Variants in VWA3B observed in about 807,000 individuals in gnomAD.
VWA3B encodes the protein von Willebrand factor A domain containing 3B, also known as von Willebrand factor A domain-containing protein 3B.
Under a neutral mutation model 158.3 loss-of-function variants are expected in VWA3B, and 138 were observed. The ratio of observed to expected loss-of-function variants is 0.87; its 90% confidence interval spans 0.76 to 1.00. VWA3B has a LOEUF of 1.00. Among genes scored for constraint, VWA3B ranks in the 50% least tolerant of loss-of-function variants. VWA3B has a pLI of 0.00. For missense variants in VWA3B, 1,555 were observed against 1,565.1 expected, an observed-to-expected ratio of 0.99 and a Z score of 0.11; for synonymous variants, 596 against 587.3, an observed-to-expected ratio of 1.01 and a Z score of -0.21.
the VWA3B span, among the ~76,000 whole-genome samples, chr2:98,321,612 A>C: frequency 6.6e-6 from 1 of 151,384 alleles, no homozygotes; most frequent in Non-Finnish European, 1.5e-5. Context: ...GACTGCCCTA[A>C]CTCCTTCATT....
chr2:98,299,576 A>AG (rs1355642934), intron 24 of VWA3B, among the ~76,000 whole-genome samples: 1 of 152,206 alleles, frequency 6.6e-6, no homozygotes, highest in Non-Finnish European at 1.5e-5. Context: ...ATGATGCAGA[A>AG]GGGCCTGCAG....
intron 21 of VWA3B, among the ~76,000 whole-genome samples, chr2:98,260,347 C>T (rs1215149640): frequency 2.0e-5 from 3 of 151,574 alleles, no homozygotes; most frequent in African/African-American, 4.8e-5. Context: ...ACACAGTTGG[C>T]CCCTCCATGT....
At chr2:98,256,324 C>A in intron 21 of VWA3B, 150 bp downstream of exon 21, 1 of 886,826 alleles carries the variant, frequency 1.1e-6, no homozygotes, top group Admixed American at 2.9e-5. Context: ...AAAACTTTTT[C>A]ATTACCCCAG....
In VWA3B at chr2:98,234,709, T is replaced by C. The variant is rs765241592; in HGVS notation, c.2370T>C (p.Ser790=). ...CCTCCCTCAGGAGCTCAGCTTGCAG[T>C]GAAAGGAAGGATGGCCTCTCCAATG... ...QMSSLRSSAC[S]ERKDGLSNAS... is the part of the protein sequence containing the mutation. Residue 790 remains serine, a synonymous_variant, in exon 17 of 28, where the codon AGT becomes AGC. Coordinates refer to ENST00000477737, the MANE Select transcript of VWA3B (RefSeq NM_144992.5). The C allele has an allele frequency of 1.6e-5, 26 of 1,613,996 alleles. No homozygotes were observed. In the Middle Eastern group the frequency reaches 2.5e-3, roughly 153 times the overall value.
intron 1 of VWA3B, among the ~76,000 whole-genome samples, chr2:98,089,516 T>A (rs970642435): frequency 1.1e-5 from 1 of 91,988 alleles, no homozygotes; most frequent in Admixed American, 1.2e-4. Context: ...CTAGTGGGGG[T>A]GGGGTGGGGA....
intron 9 of VWA3B, among the ~76,000 whole-genome samples, chr2:98,183,712 G>A (rs529248055): frequency 8.1e-4 from 124 of 152,250 alleles, no homozygotes; most frequent in Non-Finnish European, 1.5e-3. Flanking sequence ...GTGATATGGC[G>A]GAAGGCACAC....
intron 8 of VWA3B, among the ~76,000 whole-genome samples, chr2:98,177,257 G>C (rs1680087998): frequency 6.6e-6 from 1 of 152,128 alleles, no homozygotes; most frequent in South Asian, 2.1e-4. Context: ...GGACAGGGCT[G>C]GTCAATTCTG....
At chr2:98,318,158 T>C (rs1691127336), downstream of VWA3B, among the ~76,000 whole-genome samples, 1 of 152,210 alleles carries the variant, frequency 6.6e-6, no homozygotes, top group Admixed American at 6.5e-5. Flanking sequence ...TGGAAGACTG[T>C]GTGGCAATTC....
chr2:98,106,190 C>T (rs935282396), intron 2 of VWA3B, among the ~76,000 whole-genome samples: 28 of 152,156 alleles, frequency 1.8e-4, no homozygotes, highest in Admixed American at 1.7e-3. Flanking sequence ...GCTGGGATTA[C>T]AGGTGTGAGC....
chr2:98,216,947 G>A, intron 13 of VWA3B: 1 of 1,300,264 alleles, frequency 7.7e-7, no homozygotes, highest in Non-Finnish European at 1.0e-6. Flanking sequence ...AAGACAGCAT[G>A]AGTGGGAGAG....
At chr2:98,124,462 G>T (rs1675205269) in intron 5 of VWA3B, among the ~76,000 whole-genome samples, 2 of 152,094 alleles carry the variant, frequency 1.3e-5, no homozygotes, top group African/African-American at 4.8e-5. Context: ...AAGGATCCTA[G>T]GAGGGATCTG....
intron 20 of VWA3B, among the ~76,000 whole-genome samples, chr2:98,254,442 G>C (rs971824936): frequency 2.0e-5 from 3 of 152,092 alleles, no homozygotes; most frequent in Admixed American, 6.5e-5. Flanking sequence ...CCTAAAATGC[G>C]TACTATAAAT....
At chr2:98,131,881 A>G (rs1675900855) in intron 6 of VWA3B, among the ~76,000 whole-genome samples, 1 of 152,216 alleles carries the variant, frequency 6.6e-6, no homozygotes, top group Non-Finnish European at 1.5e-5. Context: ...GTGAAGGGCT[A>G]GAAATTTTCA....
intron 23 of VWA3B, among the ~76,000 whole-genome samples, chr2:98,297,248 A>G (rs2105972185): frequency 6.6e-6 from 1 of 151,568 alleles, no homozygotes; most frequent in South Asian, 2.1e-4. Flanking sequence ...TGCCCAGCTA[A>G]TTTTTGTATT....
intron 7 of VWA3B, among the ~76,000 whole-genome samples, chr2:98,160,160 C>G (rs1278511151): frequency 6.6e-6 from 1 of 152,138 alleles, no homozygotes; most frequent in East Asian, 1.9e-4. Flanking sequence ...GGGGCTCTGT[C>G]CCTCGGCTGT....
At chr2:98,123,088 G>A (rs1443842732) in intron 5 of VWA3B, among the ~76,000 whole-genome samples, 1 of 152,200 alleles carries the variant, frequency 6.6e-6, no homozygotes, top group East Asian at 1.9e-4. Context: ...ACACATGTGT[G>A]TGTGGCAGGG....
intron 12 of VWA3B, among the ~76,000 whole-genome samples, chr2:98,211,529 A>G (rs536365157): frequency 1.3e-5 from 2 of 152,358 alleles, no homozygotes; most frequent in African/African-American, 2.4e-5. Context: ...ACGTTTACCA[A>G]ATATTGGGTA....
chr2:98,304,576 A>G (rs1032587841), intron 26 of VWA3B, among the ~76,000 whole-genome samples: 2 of 151,960 alleles, frequency 1.3e-5, no homozygotes, highest in African/African-American at 4.8e-5. Context: ...CTCTCCCTCC[A>G]CTTCTGATCT....
chr2:98,103,830 G>T lies in VWA3B; in HGVS notation c.196+10542G>T, dbSNP rs141919332. Among the ~76,000 whole-genome samples the T allele has an allele frequency of 9.9e-5, 15 of 152,138 alleles. No homozygotes were observed. The East Asian group carries it at 2.9e-3, about 29-fold the overall frequency. The stretch of plus-strand genomic sequence containing the variant: ...ATTATATATATTTAGTGCTTTTTTT[G>T]TCTACTGGATTTGTTCATTTCTCCC... On this transcript the variant is annotated intron_variant, in intron 2 of 27. Coordinates refer to ENST00000477737, the MANE Select transcript of VWA3B (RefSeq NM_144992.5).
Sources: allele counts gnomAD v4.1 joint callset (sites outside exome capture counted in the v4.1 genomes callset), GRCh38; gene constraint gnomAD v4.1.1; transcripts MANE v1.5; gene names NCBI Gene and HGNC (gene_info 2026-07-23, HGNC 2026-07-21).